BCL6: variants seen among roughly 807,000 people sequenced by gnomAD.
BCL6 encodes the protein BCL6 transcription repressor, also known as B-cell lymphoma 6 protein.
BCL6 carries 7 observed loss-of-function variants against 59.5 expected under a neutral mutation model. The observed-to-expected ratio is 0.12, with a 90% CI of 0.07 to 0.22. The LOEUF is 0.22. Among genes scored for constraint, BCL6 ranks in the 10% least tolerant of loss-of-function variants. The probability of loss-of-function intolerance (pLI) is 1.00; values close to 1 mark genes in which losing one functional copy is unlikely to be tolerated. For synonymous variants in BCL6, 339 were observed against 349.7 expected (o/e 0.97, Z 0.34); for missense variants, 685 against 939.4 (o/e 0.73, Z 3.54).
chr3:187,726,712 G>C lies in BCL6; in HGVS notation c.1708+19C>G. ...CCAATAATTGTGGAGAGTTCGGGTC[G>C]TGTGGGGCAGGGCCATACCGGTATG... is the stretch of plus-strand genomic sequence containing the variant. On this transcript the variant is annotated intron_variant, in intron 7 of 9. Transcript: ENST00000406870. 1.9e-6 allele frequency: 3 copies of C among 1,611,970 alleles called. No individual in the cohort carries two copies. The highest frequency in any genetic ancestry group is 8.5e-7 in the Non-Finnish European group (1 of 1,178,778).
intron 1 of BCL6, among the ~76,000 whole-genome samples, 189 bp downstream of exon 1, chr3:187,745,221 A>T (rs538306384): frequency 1.3e-5 from 2 of 152,296 alleles, no homozygotes; most frequent in Non-Finnish European, 1.5e-5. Flanking sequence ...AGAATAAATA[A>T]ATATATACAT....
intron 9 of BCL6, among the ~76,000 whole-genome samples, chr3:187,724,140 C>G (rs1458436145): frequency 6.6e-6 from 1 of 152,196 alleles, no homozygotes; most frequent in Admixed American, 6.5e-5. Flanking sequence ...TTCTTGTCCC[C>G]ATCACCACCT....
chr3:187,730,008 C>T lies in BCL6; in HGVS notation c.397G>A (p.Val133Ile), dbSNP rs1258651142. ...KFIKASEAEM[V>I]SAIKPPREEF... is the part of the protein sequence containing the mutation. ...TCACGAGGAGGCTTGATGGCAGAAA[C>T]CATCTCTGCTTCACTGTGAAAGAAA... is the stretch of plus-strand genomic sequence containing the variant. Residue 133 changes from valine (V) to isoleucine (I), a missense_variant, in exon 5 of 10, where the codon GTT (valine) becomes ATT (isoleucine). Transcript: ENST00000406870. 6.4e-7 allele frequency: 1 copy of T among 1,566,140 alleles called. No homozygotes were observed. The highest frequency in any genetic ancestry group is 1.2e-5 in the South Asian group (1 of 83,998).
chr3:187,724,861 C>T, intron 9 of BCL6, 80 bp downstream of exon 9: 1 of 1,582,808 alleles, frequency 6.3e-7, no homozygotes. Flanking sequence ...CCCTGCTCCA[C>T]CTCCTTCCCT....
At chr3:187,739,308 G>T (rs771911531) in intron 1 of BCL6, among the ~76,000 whole-genome samples, 28 of 152,336 alleles carry the variant, frequency 1.8e-4, no homozygotes, top group African/African-American at 2.4e-5. Context: ...TGGGGCTCCC[G>T]GTCTCAGCAG....
chr3:187,722,304 G>GGCCCCCCCCCCCCCCCCCCCCCACCC lies in BCL6; in HGVS notation c.*153_*154insGGGTGGGGGGGGGGGGGGGGGGGGGC. On this transcript the variant is annotated 3_prime_UTR_variant, in exon 10 of 10. Coordinates refer to ENST00000406870, the MANE Select transcript of BCL6 (RefSeq NM_001706.5). ...GCTGCTGCGGCTCCCAGTCCCCCAG[G>GGCCCCCCCCCCCCCCCCCCCCCACCC]CCCCGACCCCCACCACCCCCAACCC... 3.2e-6 allele frequency: 1 copy of GGCCCCCCCCCCCCCCCCCCCCCACCC among 309,310 alleles called. No individual in the cohort carries two copies. Among genetic ancestry groups the GGCCCCCCCCCCCCCCCCCCCCCACCC allele is most frequent in the Non-Finnish European group, 5.9e-6 (1 of 169,634 alleles). 19.2% of individuals were successfully genotyped at this position (309,310 alleles called of 1,614,324 possible).
chr3:187,731,101 A>G (rs2108468421), intron 4 of BCL6, among the ~76,000 whole-genome samples: 1 of 152,278 alleles, frequency 6.6e-6, no homozygotes, highest in African/African-American at 2.4e-5. Flanking sequence ...CTCATCTTTA[A>G]ATGAAGGTCA....
At chr3:187,730,535 A>G (rs559201977) in intron 4 of BCL6, among the ~76,000 whole-genome samples, 2 of 152,364 alleles carry the variant, frequency 1.3e-5, no homozygotes, top group East Asian at 1.9e-4. Context: ...AACTTGTCCC[A>G]GATGCTGATG....
chr3:187,744,537 T>A (rs555312519), intron 1 of BCL6, among the ~76,000 whole-genome samples: 2 of 151,858 alleles, frequency 1.3e-5, no homozygotes, highest in South Asian at 2.1e-4. Context: ...TGAAAGGAAA[T>A]AGTAGACACG....
chr3:187,728,221 T>G (rs1579809120), intron 6 of BCL6, 139 bp downstream of exon 6: 1 of 899,968 alleles, frequency 1.1e-6, no homozygotes. Context: ...GAACGGCTGG[T>G]GACTTGGAGT....
chr3:187,724,375 G>A (rs1014080324), intron 9 of BCL6, among the ~76,000 whole-genome samples: 3 of 152,142 alleles, frequency 2.0e-5, no homozygotes, highest in Non-Finnish European at 4.4e-5. Flanking sequence ...CCCCGCCCTA[G>A]AACATTCCAA....
At chr3:187,744,306 C>T (rs2108483247) in intron 1 of BCL6, among the ~76,000 whole-genome samples, 4 of 152,260 alleles carry the variant, frequency 2.6e-5, no homozygotes, top group Middle Eastern at 3.4e-3. Context: ...ATCGCAGGTG[C>T]AGTGCGCACC....
Position 187,729,291 on chromosome 3 carries a change from C to T in BCL6, c.1114G>A (p.Ala372Thr). 2 of 1,614,118 alleles carry T rather than the reference C, an allele frequency of 1.2e-6. No individual in the cohort carries two copies. Among genetic ancestry groups the T allele is most frequent in the Non-Finnish European group, 1.7e-6 (2 of 1,180,026 alleles). ...AACTTGTATTTCTTCCAGTTGCAGG[C>T]TTTGGGGTCAGTGGGGCTCTTGGCT... Reference protein sequence around the residue: ...PPAKSPTDPKACNWKKYKFIV... With the variant: ...PPAKSPTDPKTCNWKKYKFIV... The change falls in exon 5 of 10, where the codon GCC becomes ACC. Residue 372 changes from alanine (A) to threonine (T), a missense_variant. This residue lies in a region of BCL6 where 28 missense variants were observed against 66.4 expected (regional missense o/e 0.42). Transcript: ENST00000406870. The surrounding 1 kb of genome is among the most constrained non-coding windows in gnomAD (Gnocchi z 5.6).
chr3:187,724,900 A>G (rs765176575), intron 9 of BCL6, 41 bp downstream of exon 9: 1 of 1,554,750 alleles, frequency 6.4e-7, no homozygotes, highest in African/African-American at 1.4e-5. Context: ...TGCCCTCCAC[A>G]TCCCCGCAGG....
chr3:187,722,748 C>A, intron 9 of BCL6, 147 bp from the exon 10 acceptor site: 1 of 989,226 alleles, frequency 1.0e-6, no homozygotes, highest in Non-Finnish European at 1.5e-6. Context: ...CATATGCATC[C>A]GGGCTTCTGC....
At chr3:187,745,377 A>T in intron 1 of BCL6, 33 bp downstream of exon 1, 2 of 402,612 alleles carry the variant, frequency 5.0e-6, no homozygotes, top group Non-Finnish European at 8.8e-6. Context: ...CGGCAGTAGC[A>T]GCAGCAGCGG....
Position 187,729,604 on chromosome 3 carries a change from T to C in BCL6, c.801A>G (p.Glu267=), listed in dbSNP as rs1718921513. The change falls in exon 5 of 10, where the codon GAA becomes GAG. Residue 267 remains glutamate, a synonymous_variant. Transcript: ENST00000406870. The surrounding 1 kb of genome is among the most constrained non-coding windows in gnomAD (Gnocchi z 5.6). ...NIYSPKETIP[E]EARSDMHYSV... is the part of the protein sequence containing the mutation. ...TGTAGTGCATATCACTTCGTGCCTC[T>C]TCTGGGATTGTTTCCTTGGGTGAAT... The C allele has an allele frequency of 6.2e-7, 1 of 1,614,092 alleles. No individual in the cohort carries two copies. The highest frequency in any genetic ancestry group is 1.3e-5 in the African/African-American group (1 of 74,934).
In BCL6 at chr3:187,729,808, G is replaced by T. The variant is rs1449890100; in HGVS notation, c.597C>A (p.Ser199Arg). ...AGAGGAGGCTGCTGACAGGGAGGTG[G>T]CTGTACATGGAATAAGAGGCTGGCG... ...STPPASYSMY[S>R]HLPVSSLLFS... Residue 199 changes from serine (S) to arginine (R), a missense_variant, in exon 5 of 10, where the codon AGC becomes AGA. Ser to Arg is a moderately radical substitution (Grantham distance 110). Transcript: ENST00000406870. This position sits in a 1 kb window ranked among gnomAD's most constrained non-coding sequence, Gnocchi z 5.6. 5 of 1,614,098 alleles carry T rather than the reference G, an allele frequency of 3.1e-6. No homozygotes were observed. The highest frequency in any genetic ancestry group is 4.2e-6 in the Non-Finnish European group (5 of 1,180,004).
chr3:187,726,090 A>G (rs899852720), intron 7 of BCL6, among the ~76,000 whole-genome samples: 1 of 152,092 alleles, frequency 6.6e-6, no homozygotes, highest in Non-Finnish European at 1.5e-5. Context: ...TCACTCATCA[A>G]CTCATTCACC....
Sources: allele counts gnomAD v4.1 joint callset (sites outside exome capture counted in the v4.1 genomes callset), GRCh38; gene constraint gnomAD v4.1.1; regional missense constraint gnomAD v4.1.1; non-coding constraint Gnocchi (gnomAD v3.1); transcripts MANE v1.5; gene names NCBI Gene and HGNC (gene_info 2026-07-23, HGNC 2026-07-21).